TEAD1: variants seen among roughly 807,000 people sequenced by gnomAD.
The protein encoded by TEAD1 is TEA domain transcription factor 1.
In TEAD1, 9 loss-of-function variants were observed where a neutral mutation model predicts 54.9. The observed-to-expected ratio is 0.16, with a 90% confidence interval of 0.10 to 0.29. The LOEUF is 0.29. Ranked by LOEUF, TEAD1 falls within the 10% of genes least tolerant of loss-of-function variation. The pLI, the probability that TEAD1 is intolerant of heterozygous loss-of-function variation, is 1.00. For missense variants in TEAD1, 387 were observed against 535.9 expected, an observed-to-expected ratio of 0.72 and a Z score of 2.74; for synonymous variants, 200 against 187.8, an observed-to-expected ratio of 1.07 and a Z score of -0.53.
In TEAD1 at chr11:12,941,407, GT is replaced by G. The variant is rs2134182421; in HGVS notation, c.*4186del. The G allele has an allele frequency of 6.6e-6, 1 of 152,296 alleles. No homozygotes were observed. Among genetic ancestry groups the G allele is most frequent in the African/African-American group, 2.4e-5 (1 of 41,560 alleles). 9.4% of individuals were successfully genotyped at this position (152,296 alleles called of 1,614,324 possible). ...AAACAGCCCCCATTCCAAGTACTTG[GT>G]GTCAAAAGTCCCCGAACGACTTTTA... On this transcript the variant is annotated 3_prime_UTR_variant, in exon 13 of 13. Coordinates refer to ENST00000527636, the MANE Select transcript of TEAD1 (RefSeq NM_021961.6).
chr11:12,826,905 G>A (rs964418508), intron 3 of TEAD1, among the ~76,000 whole-genome samples: 1 of 152,144 alleles, frequency 6.6e-6, no homozygotes, highest in African/African-American at 2.4e-5. Flanking sequence ...TGAAAGATTG[G>A]CAGCAAATTC....
intron 3 of TEAD1, among the ~76,000 whole-genome samples, chr11:12,833,005 C>G (rs1338532949): frequency 6.6e-6 from 1 of 152,222 alleles, no homozygotes; most frequent in African/African-American, 2.4e-5. Flanking sequence ...AATTGTGATT[C>G]ATTTGATACT....
At chr11:12,802,176 AC>A in intron 3 of TEAD1, among the ~76,000 whole-genome samples, 1 of 152,214 alleles carries the variant, frequency 6.6e-6, no homozygotes, top group African/African-American at 2.4e-5. Context: ...CAGGGCACCT[AC>A]TTAGCCTCTA....
intron 3 of TEAD1, among the ~76,000 whole-genome samples, chr11:12,830,152 A>C (rs1485856541): frequency 6.6e-6 from 1 of 152,164 alleles, no homozygotes; most frequent in East Asian, 1.9e-4. Flanking sequence ...GAGAGAATTC[A>C]GAGAGCCATG....
chr11:12,676,083 A>G (rs991680628), intron 2 of TEAD1, among the ~76,000 whole-genome samples: 1 of 152,342 alleles, frequency 6.6e-6, no homozygotes, highest in Admixed American at 6.5e-5. Flanking sequence ...GCCATGTTTA[A>G]AAACAGTGCG....
At chr11:12,822,708 A>G (rs1946577734) in intron 3 of TEAD1, 2 of 152,256 alleles carry the variant, frequency 1.3e-5, no homozygotes, top group African/African-American at 2.4e-5. Context: ...AGCTCACAGG[A>G]TAGTGTGCAG....
intron 11 of TEAD1, among the ~76,000 whole-genome samples, chr11:12,929,795 G>C (rs2727359): frequency 0.52 from 78,887 of 151,922 alleles, 21,124 homozygotes; most frequent in South Asian, 0.65. Context: ...AACCTATGAG[G>C]CTTTATCACA....
chr11:12,689,013 G>GT (rs369957262), intron 2 of TEAD1, among the ~76,000 whole-genome samples: 2,596 of 134,744 alleles, frequency 0.019, 41 homozygotes, highest in African/African-American at 0.057. Flanking sequence ...TTGTTTTTCT[G>GT]TTTTTTTTTT....
At chr11:12,727,629 G>T (rs1049632125) in intron 2 of TEAD1, among the ~76,000 whole-genome samples, 1 of 152,158 alleles carries the variant, frequency 6.6e-6, no homozygotes, top group East Asian at 1.9e-4. Context: ...ACTGTATACC[G>T]ATAGTTCAAA....
At chr11:12,877,907 C>T (rs933333507) in intron 5 of TEAD1, among the ~76,000 whole-genome samples, 1 of 151,972 alleles carries the variant, frequency 6.6e-6, no homozygotes, top group African/African-American at 2.4e-5. Flanking sequence ...AAACAGTCCT[C>T]CCACCTCAGG....
At chr11:12,755,072 A>G (rs1590117911) in intron 2 of TEAD1, among the ~76,000 whole-genome samples, 1 of 152,192 alleles carries the variant, frequency 6.6e-6, no homozygotes, top group South Asian at 2.1e-4. Context: ...GTGCCAACAT[A>G]TCATTTAAGT....
chr11:12,832,724 A>G (rs1331486449), intron 3 of TEAD1, among the ~76,000 whole-genome samples: 2 of 152,216 alleles, frequency 1.3e-5, no homozygotes, highest in East Asian at 3.8e-4. Flanking sequence ...GATGCAGAAC[A>G]CTCATTCCTT....
At chr11:12,879,357 A>G in intron 5 of TEAD1, 1 of 538,988 alleles carries the variant, frequency 1.9e-6, no homozygotes, top group Non-Finnish European at 3.3e-6. Context: ...CAGGGCCTTT[A>G]TTTTTTTTTC....
chr11:12,708,846 A>G (rs1943872527), intron 2 of TEAD1, among the ~76,000 whole-genome samples: 1 of 152,252 alleles, frequency 6.6e-6, no homozygotes, highest in African/African-American at 2.4e-5. Flanking sequence ...ACAGATCAGC[A>G]TGAATAGTGT....
rs752138695 is a variant in TEAD1, at chr11:12,729,994, A to C, written c.-54-34185A>C. Among the ~76,000 whole-genome samples the C allele has an allele frequency of 5.0e-4, 76 of 152,304 alleles. 1 individual carries two copies. The Middle Eastern group carries it at 0.01, about 20-fold the overall frequency. ...GCCTGGCACTAAGACAGCCAGTTTAACTTTGTATTACCTAAGGTAACTGGG... is the reference window on the plus strand; with the variant it reads ...GCCTGGCACTAAGACAGCCAGTTTACCTTTGTATTACCTAAGGTAACTGGG... On this transcript the variant is annotated intron_variant, in intron 2 of 12. Coordinates refer to ENST00000527636, the MANE Select transcript of TEAD1 (RefSeq NM_021961.6).
At chr11:12,758,901 G>T (rs1343476333) in intron 2 of TEAD1, among the ~76,000 whole-genome samples, 2 of 152,134 alleles carry the variant, frequency 1.3e-5, no homozygotes, top group Non-Finnish European at 1.5e-5. Flanking sequence ...TTCCTCCAGG[G>T]TTAATGGTGG....
chr11:12,936,537 T>C (rs1949102629), intron 12 of TEAD1, among the ~76,000 whole-genome samples: 1 of 152,152 alleles, frequency 6.6e-6, no homozygotes, highest in South Asian at 2.1e-4. Flanking sequence ...AGTTTAAGAC[T>C]AGGATGGGAA....
chr11:12,738,553 T>C (rs1944582944), intron 2 of TEAD1, among the ~76,000 whole-genome samples: 1 of 152,222 alleles, frequency 6.6e-6, no homozygotes, highest in Admixed American at 6.5e-5. Flanking sequence ...CACAGAACTT[T>C]AACTCTGTAC....
chr11:12,758,180 TG>T (rs984981550), intron 2 of TEAD1, among the ~76,000 whole-genome samples: 1 of 151,972 alleles, frequency 6.6e-6, no homozygotes, highest in Non-Finnish European at 1.5e-5. Flanking sequence ...GGAGGGACAC[TG>T]GGGTGCAAAT....
Sources: allele counts gnomAD v4.1 joint callset (sites outside exome capture counted in the v4.1 genomes callset), GRCh38; gene constraint gnomAD v4.1.1; transcripts MANE v1.5; gene names NCBI Gene and HGNC (gene_info 2026-07-23, HGNC 2026-07-21).